Variants in CAMSAP2 observed in about 807,000 individuals in gnomAD.
The protein encoded by CAMSAP2 is calmodulin-regulated spectrin-associated protein 2.
CAMSAP2 carries 26 observed loss-of-function variants against 146.1 expected under a neutral mutation model. That is an observed-to-expected ratio of 0.18 (90% confidence interval 0.13 to 0.25). The LOEUF is 0.25. Among genes scored for constraint, CAMSAP2 ranks in the 10% least tolerant of loss-of-function variants. CAMSAP2 has a pLI of 1.00. For missense variants in CAMSAP2, 1,381 were observed against 1,759.3 expected, an observed-to-expected ratio of 0.78 and a Z score of 3.85; for synonymous variants, 499 against 596.6, an observed-to-expected ratio of 0.84 and a Z score of 2.38.
chr1:200,756,824 C>G (rs1016403060), intron 1 of CAMSAP2, among the ~76,000 whole-genome samples: 1 of 152,052 alleles, frequency 6.6e-6, no homozygotes, highest in African/African-American at 2.4e-5. Context: ...CAAATCTTTC[C>G]TTACCACGTA....
At chr1:200,852,991 C>G (rs941160135) in intron 12 of CAMSAP2, among the ~76,000 whole-genome samples, 1 of 112,158 alleles carries the variant, frequency 8.9e-6, no homozygotes, top group African/African-American at 3.2e-5. Flanking sequence ...AAATAACTTT[C>G]CTGGGAGATA....
At chr1:200,753,284 G>A (rs1664559591) in intron 1 of CAMSAP2, among the ~76,000 whole-genome samples, 2 of 137,196 alleles carry the variant, frequency 1.5e-5, no homozygotes, top group Non-Finnish European at 3.1e-5. Context: ...GGCAACAGAG[G>A]CAAAACTCCA....
rs116508974 is a variant in CAMSAP2 at position 200,793,642 on chromosome 1, A to G, written c.400-13734A>G. Among the ~76,000 whole-genome samples, 592 of 152,132 alleles carry G rather than the reference A, an allele frequency of 3.9e-3. 4 individuals are homozygous for G. Among genetic ancestry groups the G allele is most frequent in the African/African-American group, 0.014 (565 of 41,520 alleles). ...TCCTGTTGCTCTGCATATTTATGGT[A>G]TAATTAAAGTGGCTTATATTTGCTT... On this transcript the variant is annotated intron_variant, in intron 2 of 16. Transcript: ENST00000358823.
At chr1:200,793,006 G>T (rs1665795288) in intron 2 of CAMSAP2, among the ~76,000 whole-genome samples, 1 of 152,194 alleles carries the variant, frequency 6.6e-6, no homozygotes, top group South Asian at 2.1e-4. Context: ...ATAAAAAGAT[G>T]TATGAGGAAT....
At chr1:200,745,871 A>G (rs971511362) in intron 1 of CAMSAP2, among the ~76,000 whole-genome samples, 1 of 152,194 alleles carries the variant, frequency 6.6e-6, no homozygotes, top group African/African-American at 2.4e-5. Flanking sequence ...CAGCAGAAAT[A>G]TTTTCTATTA....
chr1:200,841,189 G>T (rs771771907), intron 6 of CAMSAP2, among the ~76,000 whole-genome samples: 81 of 152,106 alleles, frequency 5.3e-4, no homozygotes, highest in Non-Finnish European at 7.4e-4. Flanking sequence ...TAAAAATTTA[G>T]TTTTGGTGTT....
intron 3 of CAMSAP2, among the ~76,000 whole-genome samples, chr1:200,814,635 C>G (rs4915460): frequency 0.052 from 803 of 15,408 alleles, 4 homozygotes; most frequent in African/African-American, 0.12. Context: ...AAAAAAAAAA[C>G]AAGAAGAAGA....
At chr1:200,835,532 C>T (rs1462526692) in intron 6 of CAMSAP2, among the ~76,000 whole-genome samples, 1 of 152,134 alleles carries the variant, frequency 6.6e-6, no homozygotes, top group Non-Finnish European at 1.5e-5. Flanking sequence ...GCAGGGTAAA[C>T]TATAAAGCCA....
intron 4 of CAMSAP2, chr1:200,828,640 G>T: frequency 6.5e-7 from 1 of 1,539,358 alleles, no homozygotes; most frequent in Non-Finnish European, 8.8e-7. Context: ...TTGCTCTCCA[G>T]AATTGTAATT....
intron 1 of CAMSAP2, among the ~76,000 whole-genome samples, chr1:200,741,049 A>G (rs942465143): frequency 1.3e-5 from 2 of 152,166 alleles, no homozygotes; most frequent in African/African-American, 2.4e-5. Context: ...AGGACTATGT[A>G]ATGTTTTGGT....
At position 200,787,654 on chromosome 1, in the gene CAMSAP2, C is replaced by T. The variant is rs115484526; in HGVS notation, c.400-19722C>T. ...TATATCAAGTTAGTTGGTGAAGCAG[C>T]GGCAGAGTTTGATAGGACTGACTCC... On this transcript the variant is annotated intron_variant, in intron 2 of 16. Transcript: ENST00000358823. Among the ~76,000 whole-genome samples the T allele has an allele frequency of 2.7e-3, 415 of 152,228 alleles. 3 individuals carry two copies. The highest frequency in any genetic ancestry group is 8.8e-3 in the African/African-American group (366 of 41,528).
At chr1:200,786,380 T>G (rs1050767366) in intron 2 of CAMSAP2, among the ~76,000 whole-genome samples, 5 of 151,922 alleles carry the variant, frequency 3.3e-5, no homozygotes, top group African/African-American at 1.2e-4. Context: ...CATAAATTGC[T>G]TTCTTTTTTT....
chr1:200,769,866 A>C (rs1339756857), intron 2 of CAMSAP2, among the ~76,000 whole-genome samples: 1 of 152,172 alleles, frequency 6.6e-6, no homozygotes, highest in African/African-American at 2.4e-5. Context: ...AGAGGGTCTT[A>C]AGACCCACAG....
chr1:200,817,165 C>CACACACACACATAAGT (rs375085196), intron 4 of CAMSAP2, among the ~76,000 whole-genome samples: 1 of 68,044 alleles, frequency 1.5e-5, no homozygotes, highest in African/African-American at 7.5e-5. Context: ...CATACACACA[C>CACACACACACATAAGT]GTGTGTGTAT....
At chr1:200,743,204 G>A (rs1261562135) in intron 1 of CAMSAP2, among the ~76,000 whole-genome samples, 1 of 152,124 alleles carries the variant, frequency 6.6e-6, no homozygotes, top group African/African-American at 2.4e-5. Context: ...GGGGGAAATG[G>A]TAGATGCAAA....
At chr1:200,784,898 G>C (rs1665541877) in intron 2 of CAMSAP2, among the ~76,000 whole-genome samples, 1 of 152,078 alleles carries the variant, frequency 6.6e-6, no homozygotes, top group South Asian at 2.1e-4. Context: ...GTTCTTTTTC[G>C]GGTTAAGGGA....
At chr1:200,817,165 C>CGTGTGTGTATACACACACACATATGT (rs1666596076) in intron 4 of CAMSAP2, among the ~76,000 whole-genome samples, 1 of 68,042 alleles carries the variant, frequency 1.5e-5, no homozygotes, top group Non-Finnish European at 2.6e-5. Context: ...CATACACACA[C>CGTGTGTGTATACACACACACATATGT]GTGTGTGTAT....
rs1667808964 is a variant in CAMSAP2 at position 200,858,701 on chromosome 1, T to G, written c.*642T>G. On this transcript the variant is annotated 3_prime_UTR_variant, in exon 17 of 17. Coordinates refer to ENST00000358823, the MANE Select transcript of CAMSAP2 (RefSeq NM_203459.4). ...TTATTATTCACTCAAGTATTAACAT[T>G]CTCTATTAAATAAGAGGAGGTGTTG... 6.6e-6 allele frequency: 1 copy of G among 152,646 alleles called. No individual in the cohort carries two copies. The highest frequency in any genetic ancestry group is 6.5e-5 in the Admixed American group (1 of 15,280). The allele number at this position is 152,646 out of a possible 1,614,324, so 9.5% of individuals were successfully genotyped here.
At chr1:200,817,512 T>C (rs1309546194) in intron 4 of CAMSAP2, among the ~76,000 whole-genome samples, 2 of 152,204 alleles carry the variant, frequency 1.3e-5, no homozygotes, top group Non-Finnish European at 2.9e-5. Context: ...TGTTGTATAG[T>C]ATTAGAATTG....
Sources: allele counts gnomAD v4.1 joint callset (sites outside exome capture counted in the v4.1 genomes callset), GRCh38; gene constraint gnomAD v4.1.1; transcripts MANE v1.5; gene names NCBI Gene and HGNC (gene_info 2026-07-23, HGNC 2026-07-21).